Variants in PPP1R9A observed in about 807,000 individuals in gnomAD.
PPP1R9A encodes neurabin-1.
In PPP1R9A, 59 loss-of-function variants were observed where a neutral mutation model predicts 141.9. The observed-to-expected ratio is 0.42, with a 90% CI of 0.34 to 0.52. The LOEUF is 0.52. PPP1R9A is among the 20% of genes least tolerant of loss of function. PPP1R9A has a pLI of 0.10. For synonymous variants in PPP1R9A, 500 were observed against 569.7 expected, an observed-to-expected ratio of 0.88 and a Z score of 1.74; for missense variants, 1,444 against 1,611.9, an observed-to-expected ratio of 0.90 and a Z score of 1.78.
intron 7 of PPP1R9A, among the ~76,000 whole-genome samples, chr7:95,216,106 G>A (rs1205276346): frequency 6.6e-6 from 1 of 152,156 alleles, no homozygotes; most frequent in Non-Finnish European, 1.5e-5. Context: ...ATGGTTTTAG[G>A]TCTAACATTT....
chr7:95,125,025 T>A (rs1345840002), intron 4 of PPP1R9A, among the ~76,000 whole-genome samples: 1 of 152,236 alleles, frequency 6.6e-6, no homozygotes, highest in Non-Finnish European at 1.5e-5. Flanking sequence ...ATATTATCTC[T>A]TACATTCAAA....
intron 3 of PPP1R9A, among the ~76,000 whole-genome samples, chr7:95,115,459 AT>A (rs1310303898): frequency 6.6e-6 from 1 of 152,184 alleles, no homozygotes; most frequent in Non-Finnish European, 1.5e-5. Flanking sequence ...GTGTTAAACT[AT>A]TTTAGATCAT....
At chr7:94,955,627 T>A (rs2151076340) in intron 2 of PPP1R9A, among the ~76,000 whole-genome samples, 1 of 152,258 alleles carries the variant, frequency 6.6e-6, no homozygotes, top group African/African-American at 2.4e-5. Context: ...CAATGCATTC[T>A]CACTTGTCAC....
rs137869598 is a variant in PPP1R9A, at chr7:95,075,764, G to A, written c.1396-35495G>A. Among the ~76,000 whole-genome samples, 594 of 152,180 alleles carry A rather than the reference G, an allele frequency of 3.9e-3. 22 individuals carry two copies. The highest frequency in any genetic ancestry group is 0.037 in the East Asian group (191 of 5,142). The stretch of plus-strand genomic sequence containing the variant: ...AGGCAGGAGAGTGGTGTGAACCTGG[G>A]AGTCAGAGGTTGCAGTGAGCCGAGA... On this transcript the variant is annotated intron_variant, in intron 2 of 19. Transcript: ENST00000433360.
rs371742951 is a variant in PPP1R9A at position 95,226,105 on chromosome 7, A to G, written c.2101A>G (p.Lys701Glu). Residue 701 changes from lysine (K) to glutamate (E), a missense_variant, in exon 8 of 20, where the codon AAG (lysine) becomes GAG (glutamate). Physicochemically the swap from Lys to Glu is moderately conservative, Grantham distance 56. Around this residue, in one of 5 missense-constraint regions of PPP1R9A, gnomAD observed 488 missense variants for 542.0 expected, o/e 0.90. Coordinates refer to ENST00000433360, the MANE Select transcript of PPP1R9A (RefSeq NM_001166160.2). ...SELDTSKLSH[K>E]FKELQIKHAV... The stretch of plus-strand genomic sequence containing the variant: ...ACTGGACACAAGCAAGCTCAGTCAC[A>G]AGTTCAAAGAGGTATGCCACTAAGC... 1.4e-4 allele frequency: 222 copies of G among 1,612,712 alleles called. No individual in the cohort carries two copies. The highest frequency in any genetic ancestry group is 2.2e-4 in the South Asian group (20 of 90,988).
intron 2 of PPP1R9A, among the ~76,000 whole-genome samples, chr7:94,967,320 T>G (rs974337364): frequency 2.6e-5 from 4 of 152,192 alleles, no homozygotes; most frequent in Non-Finnish European, 5.9e-5. Flanking sequence ...TCTCCTTCAT[T>G]TCTGCTCTGA....
chr7:95,035,619 C>G (rs945910373), intron 2 of PPP1R9A: 1 of 152,012 alleles, frequency 6.6e-6, no homozygotes, highest in East Asian at 1.9e-4. Context: ...TTTAAAAGTT[C>G]TTTTGGTCCA....
chr7:95,148,707 T>C (rs1236515392), intron 4 of PPP1R9A, among the ~76,000 whole-genome samples: 2 of 141,972 alleles, frequency 1.4e-5, no homozygotes, highest in Admixed American at 6.9e-5. Context: ...AAAAAAAAAA[T>C]TAACAACCTT....
intron 2 of PPP1R9A, among the ~76,000 whole-genome samples, chr7:94,967,295 T>G (rs1334549057): frequency 2.0e-5 from 3 of 151,836 alleles, no homozygotes; most frequent in Non-Finnish European, 2.9e-5. Flanking sequence ...TTTTGAAGGG[T>G]TTTTCATGTC....
intron 2 of PPP1R9A, among the ~76,000 whole-genome samples, chr7:94,992,990 T>G (rs1481732228): frequency 6.6e-6 from 1 of 152,082 alleles, no homozygotes; most frequent in African/African-American, 2.4e-5. Context: ...TTCTACTTTT[T>G]CTTCTAGATT....
At chr7:95,120,034 G>A (rs1483182798) in intron 3 of PPP1R9A, among the ~76,000 whole-genome samples, 2 of 140,044 alleles carry the variant, frequency 1.4e-5, no homozygotes, top group Non-Finnish European at 3.0e-5. Flanking sequence ...TTGGCTCACT[G>A]CAACCTCCGC....
chr7:95,246,401 C>T (rs1194890943), intron 8 of PPP1R9A, among the ~76,000 whole-genome samples: 1 of 152,100 alleles, frequency 6.6e-6, no homozygotes. Flanking sequence ...GTCTTAAATC[C>T]AAAACGCTCC....
intron 6 of PPP1R9A, among the ~76,000 whole-genome samples, chr7:95,202,802 C>A (rs1304196882): frequency 6.6e-6 from 1 of 151,810 alleles, no homozygotes; most frequent in East Asian, 1.9e-4. Context: ...GAGCATTATG[C>A]CGTTTGAAAT....
chr7:95,070,253 G>A (rs750303780), intron 2 of PPP1R9A, among the ~76,000 whole-genome samples: 9 of 151,896 alleles, frequency 5.9e-5, no homozygotes, highest in Non-Finnish European at 1.0e-4. Context: ...ACCCTTGTAA[G>A]CCTGCTTTCT....
chr7:94,933,482 G>A (rs1055683781), intron 2 of PPP1R9A, among the ~76,000 whole-genome samples: 4 of 152,080 alleles, frequency 2.6e-5, no homozygotes, highest in Middle Eastern at 3.2e-3. Context: ...CAACTGTATT[G>A]GAGACACAGC....
At chr7:94,921,794 A>G (rs143947816) in intron 2 of PPP1R9A, among the ~76,000 whole-genome samples, 332 of 152,160 alleles carry the variant, frequency 2.2e-3, no homozygotes, top group African/African-American at 7.9e-3. Context: ...TTCTATGTCC[A>G]GAGCATCTAT....
At chr7:95,073,537 C>T (rs193296632) in intron 2 of PPP1R9A, among the ~76,000 whole-genome samples, 6 of 151,360 alleles carry the variant, frequency 4.0e-5, no homozygotes, top group Admixed American at 4.0e-4. Flanking sequence ...ATGCTTATCC[C>T]AATTGTTTTA....
At chr7:95,153,756 G>C (rs1481567214) in intron 4 of PPP1R9A, among the ~76,000 whole-genome samples, 1 of 152,180 alleles carries the variant, frequency 6.6e-6, no homozygotes, top group Non-Finnish European at 1.5e-5. Context: ...TGGCATTGAA[G>C]CCATCCAGTC....
chr7:95,168,676 C>T (rs1831644574), intron 5 of PPP1R9A, among the ~76,000 whole-genome samples: 1 of 151,850 alleles, frequency 6.6e-6, no homozygotes, highest in African/African-American at 2.4e-5. Flanking sequence ...ATTAAAGGAA[C>T]TCAAAGCAAC....
Sources: gnomAD v4.1 joint callset for allele counts (sites outside exome capture counted in the v4.1 genomes callset) on GRCh38, gnomAD v4.1.1 for gene constraint, gnomAD v4.1.1 regional missense constraint, MANE v1.5 for transcripts, NCBI Gene and HGNC (gene_info 2026-07-23, HGNC 2026-07-21) for gene names.